The following CA10 variants were observed in gnomAD, a reference collection of about 807,000 sequenced individuals.
The protein encoded by CA10 is carbonic anhydrase 10 (inactive).
In CA10, 14 loss-of-function variants were observed where a neutral mutation model predicts 44.2. The ratio of observed to expected loss-of-function variants is 0.32; its 90% CI spans 0.21 to 0.50. The LOEUF is 0.50. Among genes scored for constraint, CA10 ranks in the 20% least tolerant of loss-of-function variants. CA10 has a pLI of 0.99. For missense variants in CA10, 350 were observed against 409.7 expected (o/e 0.85, Z 1.26); for synonymous variants, 159 against 141.6 (o/e 1.12, Z -0.87).
At chr17:51,839,100 A>G (rs1978298299) in intron 3 of CA10, among the ~76,000 whole-genome samples, 1 of 152,212 alleles carries the variant, frequency 6.6e-6, no homozygotes. Flanking sequence ...CATGGTTTCC[A>G]TCCTTAGTCA....
chr17:52,023,033 C>G (rs893122549), intron 2 of CA10, among the ~76,000 whole-genome samples: 1 of 152,026 alleles, frequency 6.6e-6, no homozygotes, highest in Non-Finnish European at 1.5e-5. Context: ...AATATACTGC[C>G]CAAAGCAATC....
At chr17:51,718,230 ATG>A in intron 4 of CA10, among the ~76,000 whole-genome samples, 1 of 23,396 alleles carries the variant, frequency 4.3e-5, no homozygotes, top group African/African-American at 1.1e-4. Context: ...AAGATTTAAA[ATG>A]AAAAAAAGAT....
At chr17:51,728,737 C>T (rs1027636732) in intron 4 of CA10, among the ~76,000 whole-genome samples, 1 of 152,182 alleles carries the variant, frequency 6.6e-6, no homozygotes, top group Non-Finnish European at 1.5e-5. Context: ...ATATTATTTT[C>T]CATTTGCTTT....
intron 3 of CA10, among the ~76,000 whole-genome samples, chr17:51,786,679 T>C (rs1906298951): frequency 6.6e-6 from 1 of 152,186 alleles, no homozygotes; most frequent in African/African-American, 2.4e-5. Context: ...TCCAGTAATA[T>C]GTTGAGTAAA....
In CA10 at chr17:52,042,470, TTGTA is replaced by T. The variant is rs1050350882; in HGVS notation, c.136+29845_136+29848del. On this transcript the variant is annotated intron_variant, in intron 2 of 8. Transcript: ENST00000451037. ...TTTGTTTGGGTTGGTTGCTATTGAA[TTGTA>T]TAAGTTTCTTATATATTTTAGATAT... is the stretch of plus-strand genomic sequence containing the variant. Among the ~76,000 whole-genome samples the T allele has an allele frequency of 9.2e-4, 140 of 152,184 alleles. 1 individual carries two copies. The highest frequency in any genetic ancestry group is 3.3e-3 in the African/African-American group (137 of 41,562).
chr17:52,059,191 A>T, intron 2 of CA10, among the ~76,000 whole-genome samples: 1 of 152,128 alleles, frequency 6.6e-6, no homozygotes, highest in East Asian at 1.9e-4. Context: ...GAACATAATA[A>T]AATTATCCTG....
At chr17:51,709,339 C>T (rs926723641) in intron 4 of CA10, among the ~76,000 whole-genome samples, 1 of 152,116 alleles carries the variant, frequency 6.6e-6, no homozygotes, top group African/African-American at 2.4e-5. Flanking sequence ...ATAATAAAAT[C>T]AGTGAGTGAT....
At chr17:51,675,281 C>T (rs184388488) in intron 4 of CA10, among the ~76,000 whole-genome samples, 1 of 152,210 alleles carries the variant, frequency 6.6e-6, no homozygotes, top group East Asian at 1.9e-4. Context: ...AGTTCTCAGT[C>T]GGGCATGGTG....
At chr17:51,679,234 G>C (rs925670738) in intron 4 of CA10, among the ~76,000 whole-genome samples, 1 of 150,262 alleles carries the variant, frequency 6.7e-6, no homozygotes, top group Non-Finnish European at 1.5e-5. Context: ...CATTATGTCT[G>C]GGGCAGGGTC....
chr17:52,149,814 T>C (rs1298217827), intron 1 of CA10, among the ~76,000 whole-genome samples: 3 of 152,050 alleles, frequency 2.0e-5, no homozygotes, highest in South Asian at 4.2e-4. Context: ...CAGTGGAAAA[T>C]GATCAGTGGT....
intron 2 of CA10, among the ~76,000 whole-genome samples, chr17:52,059,169 C>T (rs1007173367): frequency 6.6e-6 from 1 of 152,148 alleles, no homozygotes; most frequent in Non-Finnish European, 1.5e-5. Flanking sequence ...CACTTACAAA[C>T]ACTGATATTG....
At chr17:51,895,408 T>C (rs1598105147) in intron 3 of CA10, among the ~76,000 whole-genome samples, 2 of 152,064 alleles carry the variant, frequency 1.3e-5, no homozygotes. Flanking sequence ...TTTTTAGACA[T>C]ACAAGAACAT....
chr17:51,800,671 A>G (rs1031309812), intron 3 of CA10, among the ~76,000 whole-genome samples: 2 of 152,238 alleles, frequency 1.3e-5, no homozygotes, highest in Non-Finnish European at 2.9e-5. Flanking sequence ...CAAGTTAACT[A>G]TGACAGATCA....
intron 3 of CA10, among the ~76,000 whole-genome samples, chr17:51,895,161 A>G (rs1326303982): frequency 6.6e-6 from 1 of 152,082 alleles, no homozygotes; most frequent in Non-Finnish European, 1.5e-5. Flanking sequence ...GCGGATATGG[A>G]AAAAGAGGAT....
intron 4 of CA10, among the ~76,000 whole-genome samples, chr17:51,670,308 G>A (rs556473603): frequency 6.6e-6 from 1 of 152,282 alleles, no homozygotes; most frequent in South Asian, 2.1e-4. Context: ...CTTACAACAG[G>A]TGTACAGGCA....
chr17:51,967,799 G>C (rs568907072), intron 2 of CA10, among the ~76,000 whole-genome samples: 1 of 151,498 alleles, frequency 6.6e-6, no homozygotes, highest in Non-Finnish European at 1.5e-5. Context: ...CCCATGTAAT[G>C]AAACTGTACA....
intron 1 of CA10, among the ~76,000 whole-genome samples, chr17:52,126,683 T>C (rs1367562645): frequency 6.6e-6 from 1 of 152,226 alleles, no homozygotes; most frequent in Non-Finnish European, 1.5e-5. Flanking sequence ...TTATTTATAT[T>C]TCTATGTAGC....
intron 2 of CA10, among the ~76,000 whole-genome samples, chr17:51,994,384 G>A (rs570663364): frequency 2.6e-5 from 4 of 151,990 alleles, no homozygotes; most frequent in East Asian, 1.9e-4. Flanking sequence ...AAATTTGCAC[G>A]TGACCTTAGT....
At position 52,158,229 on chromosome 17, in the gene CA10, C is replaced by A. The variant is rs1989852290; in HGVS notation, c.-443G>T. 1 of 247,466 alleles carries A rather than the reference C, an allele frequency of 4.0e-6. No homozygotes were observed. The highest frequency in any genetic ancestry group is 2.3e-5 in the African/African-American group (1 of 43,884). 15.3% of individuals were successfully genotyped at this position (247,466 alleles called of 1,614,324 possible). On this transcript the variant is annotated 5_prime_UTR_variant, in exon 1 of 9. Coordinates refer to ENST00000451037, the MANE Select transcript of CA10 (RefSeq NM_020178.5). ...TAGACGATAGCCCCCCGCCGGGCTG[C>A]GCCGTGCAATTCCGGGCTCCCGGGA...
Sources: allele counts gnomAD v4.1 joint callset (sites outside exome capture counted in the v4.1 genomes callset), GRCh38; gene constraint gnomAD v4.1.1; transcripts MANE v1.5; gene names NCBI Gene and HGNC (gene_info 2026-07-23, HGNC 2026-07-21).